Variants in HTR3A observed in about 807,000 individuals in gnomAD.
HTR3A encodes 5-hydroxytryptamine (serotonin) receptor 3A, ionotropic.
Under a neutral mutation model 54.8 loss-of-function variants are expected in HTR3A, and 45 were observed. The ratio of observed to expected loss-of-function variants is 0.82; its 90% CI spans 0.65 to 1.05. The LOEUF (loss-of-function observed/expected upper bound fraction) is 1.05. Among genes scored for constraint, HTR3A ranks in the 50% least tolerant of loss-of-function variants. The pLI is 0.00. For missense variants in HTR3A, 657 were observed against 614.0 expected (o/e 1.07, Z -0.74); for synonymous variants, 297 against 256.0 (o/e 1.16, Z -1.53).
chr11:113,981,195 TC>T lies in HTR3A; in HGVS notation c.265-4del. 1.3e-6 allele frequency: 2 copies of T among 1,575,994 alleles called. No homozygotes were observed. Among genetic ancestry groups the T allele is most frequent in the African/African-American group, 1.3e-5 (1 of 74,326 alleles). ...GGCTGCCTGTGACCATCCCTGCTCC[TC>T]CCCTAGTACTGGACTGATGAGTTTC... On this transcript the variant is annotated splice_region_variant and splice_polypyrimidine_tract_variant and intron_variant, in intron 3 of 8. Transcript: ENST00000504030.
intron 4 of HTR3A, 151 bp downstream of exon 4, chr11:113,981,463 T>C (rs1950421138): frequency 1.4e-6 from 1 of 693,238 alleles, no homozygotes; most frequent in South Asian, 1.5e-5. Flanking sequence ...CAAATTCCCT[T>C]TGTCTTCCCC....
At chr11:113,981,906 C>T (rs1950426183) in intron 4 of HTR3A, among the ~76,000 whole-genome samples, 1 of 148,654 alleles carries the variant, frequency 6.7e-6, no homozygotes, top group Non-Finnish European at 1.5e-5. Context: ...TGTGGTGAGC[C>T]GAGATCACAC....
rs1358584175 is a variant in HTR3A at position 113,981,261 on chromosome 11, T to C, written c.323T>C (p.Leu108Ser). 6.2e-7 allele frequency: 1 copy of C among 1,614,044 alleles called. No individual in the cohort carries two copies. ...GAGGACTTTGACAACATCACCAAGT[T>C]GTCCATCCCCACGGACAGCATCTGG... The part of the protein sequence containing the change: ...NPEDFDNITK[L>S]SIPTDSIWVP... The change falls in exon 4 of 9, where the codon TTG becomes TCG. Residue 108 changes from leucine to serine, a missense_variant. Transcript: ENST00000504030.
chr11:113,984,247 A>G (rs1237197836), intron 5 of HTR3A, among the ~76,000 whole-genome samples: 1 of 152,012 alleles, frequency 6.6e-6, no homozygotes, highest in Non-Finnish European at 1.5e-5. Context: ...TGCCCAATTT[A>G]TAGCATCCTG....
intron 1 of HTR3A, among the ~76,000 whole-genome samples, chr11:113,976,560 TA>T (rs1950352795): frequency 8.2e-6 from 1 of 122,266 alleles, no homozygotes; most frequent in Admixed American, 1.0e-4. Flanking sequence ...AGGAGACACT[TA>T]AAAAATAGTT....
intron 5 of HTR3A, among the ~76,000 whole-genome samples, chr11:113,984,685 T>C (rs1950467968): frequency 6.6e-6 from 1 of 152,036 alleles, no homozygotes; most frequent in South Asian, 2.1e-4. Context: ...TTGGGAGGCG[T>C]AGGCAGGTGG....
Position 113,977,772 on chromosome 11 carries a change from C to G in HTR3A, c.69C>G (p.Ala23=), listed in dbSNP as rs577335920. ...LLPTLLAQGE[A]RRSRNTTRPA... is the part of the protein sequence containing the mutation. ...ACTTTGAACTGTTCTCCTTCCCAGC[C>G]AGGAGGAGCCGAAACACCACCAGGC... The change falls in exon 2 of 9, where the codon GCC becomes GCG. Residue 23 remains alanine, a splice_region_variant and synonymous_variant. Coordinates refer to ENST00000504030, the MANE Select transcript of HTR3A (RefSeq NM_000869.6). The G allele has an allele frequency of 2.0e-4, 315 of 1,614,062 alleles. 2 individuals carry two copies. In the East Asian group the frequency reaches 6.6e-3, roughly 34 times the overall value.
chr11:113,975,232 CTGG>C lies in HTR3A; in HGVS notation c.-93_-91del, dbSNP rs1248602957. The C allele has an allele frequency of 3.3e-6, 4 of 1,228,740 alleles. 1 individual carries two copies. The South Asian group carries it at 5.0e-5, about 15-fold the overall frequency. The allele number at this position is 1,228,740 out of a possible 1,614,324, so 76.1% of individuals were successfully genotyped here. The stretch of plus-strand genomic sequence containing the variant: ...GCAGTGGCCACGAGAGGCAGGCTGG[CTGG>C]GACATGAGGTTGGCAGAGGGCAGGC... On this transcript the variant is annotated 5_prime_UTR_variant, in exon 1 of 9. Transcript: ENST00000504030.
rs749670628 is a variant in HTR3A at position 113,983,261 on chromosome 11, G to T, written c.516G>T (p.Ser172=). 13 of 1,614,040 alleles carry T rather than the reference G, an allele frequency of 8.1e-6. No individual in the cohort carries two copies. The Admixed American group carries it at 1.2e-4, about 14-fold the overall frequency. The change falls in exon 5 of 9, where the codon TCG becomes TCT. Residue 172 remains serine (S), a synonymous_variant. Transcript: ENST00000504030. Reference sequence around the variant, plus strand: ...TCCCCTTCGATGTCCAGAACTGCTCGCTGACCTTCACCAGTTGGCTGCACA... The same window carrying T: ...TCCCCTTCGATGTCCAGAACTGCTCTCTGACCTTCACCAGTTGGCTGCACA... ...YNFPFDVQNC[S]LTFTSWLHTI...
chr11:113,976,571 T>TTG (rs34498899), intron 1 of HTR3A, among the ~76,000 whole-genome samples: 6,773 of 135,234 alleles, frequency 0.05, 384 homozygotes, highest in East Asian at 0.15. Flanking sequence ...AAAAAATAGT[T>TTG]TGTGTGTGTG....
chr11:113,981,973 A>C (rs1428930621), intron 4 of HTR3A, among the ~76,000 whole-genome samples: 1 of 152,016 alleles, frequency 6.6e-6, no homozygotes, highest in Non-Finnish European at 1.5e-5. Context: ...AAAAAAAAAA[A>C]ACAAAAAACT....
intron 8 of HTR3A, 110 bp downstream of exon 8, chr11:113,987,156 C>T (rs1036126016): frequency 1.7e-6 from 2 of 1,148,410 alleles, no homozygotes; most frequent in Non-Finnish European, 2.5e-6. Flanking sequence ...CTGCACATGG[C>T]ATCCCATGCC....
chr11:113,977,027 G>A (rs555781104), intron 1 of HTR3A, among the ~76,000 whole-genome samples: 9 of 152,070 alleles, frequency 5.9e-5, no homozygotes, highest in East Asian at 1.9e-4. Context: ...CACCTACCCC[G>A]GAAGTCGTTT....
rs984399822 is a variant in HTR3A at position 113,990,231 on chromosome 11, C to T, written c.*468C>T. On this transcript the variant is annotated 3_prime_UTR_variant, in exon 9 of 9. Transcript: ENST00000504030. The stretch of plus-strand genomic sequence containing the variant: ...ACCCCTAGTGTCTTTTTTTTCTTCA[C>T]CTCACTTGTGGCAGCTTCCCTGAAC... 1 of 454,652 alleles carries T rather than the reference C, an allele frequency of 2.2e-6. No homozygotes were observed. Among genetic ancestry groups the T allele is most frequent in the Non-Finnish European group, 4.4e-6 (1 of 227,200 alleles). 28.2% of individuals were successfully genotyped at this position (454,652 alleles called of 1,614,324 possible).
At position 113,984,647 on chromosome 11, in the gene HTR3A, G is replaced by A. The variant is rs376978872; in HGVS notation, c.544+1358G>A. Among the ~76,000 whole-genome samples, 118 of 152,168 alleles carry A rather than the reference G, an allele frequency of 7.8e-4. 3 individuals carry two copies. The East Asian group carries it at 0.021, about 27-fold the overall frequency. On this transcript the variant is annotated intron_variant, in intron 5 of 8. Transcript: ENST00000504030. ...AGAAGGCATCCCCCAGGCCGGGCGC[G>A]GTGGCTCACGCCTGTAATCCCAGCA...
chr11:113,989,866 C>A lies in HTR3A; in HGVS notation c.*103C>A. ...ACCCAGGGAATGCCAGGGACATTTT[C>A]AAGACACAGACAAAGTCCCGTGCCC... is the stretch of plus-strand genomic sequence containing the variant. On this transcript the variant is annotated 3_prime_UTR_variant, in exon 9 of 9. Transcript: ENST00000504030. This position sits in a 1 kb window ranked among gnomAD's most constrained non-coding sequence, Gnocchi z 4.4. 7.8e-7 allele frequency: 1 copy of A among 1,289,274 alleles called. No homozygotes were observed. The highest frequency in any genetic ancestry group is 1.1e-6 in the Non-Finnish European group (1 of 899,708). 79.9% of individuals were successfully genotyped at this position (1,289,274 alleles called of 1,614,324 possible).
chr11:113,983,243 C>G lies in HTR3A; in HGVS notation c.498C>G (p.Phe166Leu). 1.2e-6 allele frequency: 2 copies of G among 1,614,232 alleles called. No individual in the cohort carries two copies. Among genetic ancestry groups the G allele is most frequent in the Non-Finnish European group, 1.7e-6 (2 of 1,180,054 alleles). The change falls in exon 5 of 9, where the codon TTC becomes TTG. Residue 166 changes from phenylalanine to leucine, a missense_variant. Coordinates refer to ENST00000504030, the MANE Select transcript of HTR3A (RefSeq NM_000869.6). ...GCCTCGACATCTACAACTTCCCCTT[C>G]GATGTCCAGAACTGCTCGCTGACCT... Reference protein sequence around the residue: ...ACSLDIYNFPFDVQNCSLTFT... With the variant: ...ACSLDIYNFPLDVQNCSLTFT...
intron 2 of HTR3A, among the ~76,000 whole-genome samples, chr11:113,978,521 T>C (rs1950382594): frequency 6.6e-6 from 1 of 152,146 alleles, no homozygotes; most frequent in Non-Finnish European, 1.5e-5. Context: ...CCAAAATTAG[T>C]CAGCCCTCCT....
chr11:113,979,241 G>A lies in HTR3A; in HGVS notation c.228G>A (p.Lys76=). Residue 76 remains lysine, a synonymous_variant, in exon 3 of 9, where the codon AAG becomes AAA. Transcript: ENST00000504030. ...TCCCTTTCCTTTCCCAGGATGAGAA[G>A]AATCAGGTGCTGACCACCTACATCT... is the stretch of plus-strand genomic sequence containing the variant. ...IVYAILNVDE[K]NQVLTTYIWY... is the part of the protein sequence containing the mutation. 1 of 1,613,288 alleles carries A rather than the reference G, an allele frequency of 6.2e-7. No homozygotes were observed. The highest frequency in any genetic ancestry group is 2.2e-5 in the East Asian group (1 of 44,856).
Sources: gnomAD v4.1 joint callset for allele counts (sites outside exome capture counted in the v4.1 genomes callset) on GRCh38, gnomAD v4.1.1 for gene constraint, Gnocchi (gnomAD v3.1) non-coding constraint, MANE v1.5 for transcripts, NCBI Gene and HGNC (gene_info 2026-07-23, HGNC 2026-07-21) for gene names.